The following MAN2A1 variants were observed in gnomAD, a reference collection of about 807,000 sequenced individuals.
MAN2A1 encodes alpha-mannosidase 2.
A neutral mutation model predicts 142.6 loss-of-function variants in MAN2A1; 76 were observed. The ratio of observed to expected loss-of-function variants is 0.53; its 90% CI spans 0.44 to 0.65. The LOEUF (loss-of-function observed/expected upper bound fraction) is 0.65, where lower values mean the gene tolerates loss of function less well. MAN2A1 is among the 30% of genes least tolerant of loss of function. The pLI is 0.00. For missense variants in MAN2A1, 1,311 were observed against 1,365.1 expected (o/e 0.96, Z 0.62); for synonymous variants, 559 against 473.2 (o/e 1.18, Z -2.35).
chr5:109,772,402 A>G (rs1285291226), intron 7 of MAN2A1, among the ~76,000 whole-genome samples: 2 of 152,196 alleles, frequency 1.3e-5, no homozygotes, highest in African/African-American at 2.4e-5. Context: ...TCTTACAAGT[A>G]TTGAAATGTT....
At position 109,767,727 on chromosome 5, in the gene MAN2A1, A is replaced by C; in HGVS notation, c.1009+19A>C. On this transcript the variant is annotated intron_variant, in intron 6 of 21. Transcript: ENST00000261483. ...AATTGGGGTATGTAGGGTTTGATGAAAGTTGATCCCATTTGGCCTAGATAC... is the reference window on the plus strand; with the variant it reads ...AATTGGGGTATGTAGGGTTTGATGACAGTTGATCCCATTTGGCCTAGATAC... The C allele has an allele frequency of 6.2e-7, 1 of 1,602,294 alleles. No homozygotes were observed. The highest frequency in any genetic ancestry group is 1.7e-4 in the Middle Eastern group (1 of 5,798).
At chr5:109,765,576 A>C (rs908413226) in intron 5 of MAN2A1, among the ~76,000 whole-genome samples, 6 of 152,054 alleles carry the variant, frequency 3.9e-5, no homozygotes, top group Non-Finnish European at 4.4e-5. Flanking sequence ...TATGTGGGAG[A>C]TACATTGGGA....
chr5:109,724,693 G>A (rs1339252155), intron 3 of MAN2A1, among the ~76,000 whole-genome samples: 1 of 152,016 alleles, frequency 6.6e-6, no homozygotes, highest in African/African-American at 2.4e-5. Flanking sequence ...AAAATAAAAA[G>A]AAAAGAAAAA....
In MAN2A1 at chr5:109,767,647, T is replaced by C. The variant is rs1753029962; in HGVS notation, c.948T>C (p.Tyr316=). 1.2e-6 allele frequency: 2 copies of C among 1,613,698 alleles called. No individual in the cohort carries two copies. The highest frequency in any genetic ancestry group is 8.5e-7 in the Non-Finnish European group (1 of 1,179,766). Residue 316 remains tyrosine, a synonymous_variant, in exon 6 of 22, where the codon TAT becomes TAC. Transcript: ENST00000261483. Reference sequence around the variant, plus strand: ...ACATGCTTATCCAGAGAGTTCATTATGCAGTTAAAAAACACTTTGCACTGC... The same window carrying C: ...ACATGCTTATCCAGAGAGTTCATTACGCAGTTAAAAAACACTTTGCACTGC... ...LSHMLIQRVH[Y]AVKKHFALHK...
intron 7 of MAN2A1, among the ~76,000 whole-genome samples, chr5:109,773,272 A>G (rs1753196045): frequency 6.6e-6 from 1 of 152,296 alleles, no homozygotes; most frequent in South Asian, 2.1e-4. Flanking sequence ...GAGTTAGGAT[A>G]GATGTGAAGT....
intron 16 of MAN2A1, among the ~76,000 whole-genome samples, chr5:109,828,717 T>G (rs1561532896): frequency 1.3e-5 from 2 of 152,220 alleles, no homozygotes; most frequent in Non-Finnish European, 2.9e-5. Flanking sequence ...TTAAATGCAA[T>G]ACTTCTGCCC....
At chr5:109,729,950 C>T (rs1751857605) in intron 4 of MAN2A1, among the ~76,000 whole-genome samples, 1 of 152,092 alleles carries the variant, frequency 6.6e-6, no homozygotes, top group Non-Finnish European at 1.5e-5. Flanking sequence ...CAATATAGTG[C>T]CACTGCACTC....
intron 3 of MAN2A1, among the ~76,000 whole-genome samples, chr5:109,719,431 A>T (rs1197249380): frequency 3.3e-5 from 5 of 152,228 alleles, no homozygotes; most frequent in Admixed American, 2.6e-4. Flanking sequence ...TATTCACATC[A>T]TGAAAAGCCA....
intron 5 of MAN2A1, among the ~76,000 whole-genome samples, chr5:109,758,427 C>A (rs1370101608): frequency 4.0e-5 from 6 of 151,344 alleles, no homozygotes; most frequent in African/African-American, 1.5e-4. Flanking sequence ...GTTAAAAGTT[C>A]TTTGTTGGAT....
rs902474335 is a variant in MAN2A1, at chr5:109,775,650, T to A, written c.1374+685T>A. On this transcript the variant is annotated intron_variant, in intron 8 of 21. Coordinates refer to ENST00000261483, the MANE Select transcript of MAN2A1 (RefSeq NM_002372.4). ...TCTCACTCCTCCCCATAGGATTATA[T>A]TGAAGCCAATCTCAGGTTTCATATA... Among the ~76,000 whole-genome samples, 6 of 152,130 alleles carry A rather than the reference T, an allele frequency of 3.9e-5. No individual in the cohort carries two copies. The East Asian group carries it at 9.6e-4, about 24-fold the overall frequency.
chr5:109,733,374 C>G (rs1751979642), intron 4 of MAN2A1, among the ~76,000 whole-genome samples: 1 of 152,152 alleles, frequency 6.6e-6, no homozygotes, highest in South Asian at 2.1e-4. Context: ...TGCCTAATTT[C>G]CCTGGCCAGA....
intron 12 of MAN2A1, among the ~76,000 whole-genome samples, chr5:109,802,320 C>G (rs1421233469): frequency 6.6e-6 from 1 of 152,000 alleles, no homozygotes; most frequent in African/African-American, 2.4e-5. Flanking sequence ...TGCACAGTCT[C>G]CTTTGAAATT....
At chr5:109,811,552 ATTG>A (rs140204935) in intron 12 of MAN2A1, among the ~76,000 whole-genome samples, 12,610 of 151,036 alleles carry the variant, frequency 0.083, 596 homozygotes, top group African/African-American at 0.15. Context: ...TCTCCTGAAG[ATTG>A]TTAATCTTCC....
chr5:109,692,758 G>T (rs978802986), intron 1 of MAN2A1, among the ~76,000 whole-genome samples: 1 of 148,714 alleles, frequency 6.7e-6, no homozygotes, highest in Non-Finnish European at 1.5e-5. Flanking sequence ...ACCAGGGACT[G>T]GTTTCCTGGA....
In MAN2A1 at chr5:109,733,708, A is replaced by C. The variant is rs527972429; in HGVS notation, c.707+4195A>C. 5.3e-4 allele frequency among the ~76,000 whole-genome samples: 81 copies of C among 152,254 alleles called. 2 individuals are homozygous for C. Among genetic ancestry groups the C allele is most frequent in the Middle Eastern group, 6.8e-3 (2 of 294 alleles). On this transcript the variant is annotated intron_variant, in intron 4 of 21. Coordinates refer to ENST00000261483, the MANE Select transcript of MAN2A1 (RefSeq NM_002372.4). ...GAACCAGCCTTGCATCCCAGGGATGAAGCCCACTTGATCATGGTGGATAAG... is the reference window on the plus strand; with the variant it reads ...GAACCAGCCTTGCATCCCAGGGATGCAGCCCACTTGATCATGGTGGATAAG...
intron 4 of MAN2A1, among the ~76,000 whole-genome samples, chr5:109,746,091 C>T (rs1752396795): frequency 6.6e-6 from 1 of 152,204 alleles, no homozygotes; most frequent in African/African-American, 2.4e-5. Context: ...TCTCGTGCCT[C>T]AGCCTCCCGA....
At chr5:109,769,421 T>G (rs1290297633) in intron 6 of MAN2A1, among the ~76,000 whole-genome samples, 1 of 152,224 alleles carries the variant, frequency 6.6e-6, no homozygotes, top group Admixed American at 6.5e-5. Flanking sequence ...ATTAAAAATG[T>G]AAATTTTTTT....
chr5:109,774,151 G>C (rs543951021), intron 7 of MAN2A1, among the ~76,000 whole-genome samples: 14 of 152,168 alleles, frequency 9.2e-5, no homozygotes, highest in Non-Finnish European at 8.8e-5. Context: ...ATCCTTATCT[G>C]ATGGTCAGTA....
chr5:109,782,251 C>G (rs1235491792), intron 9 of MAN2A1, among the ~76,000 whole-genome samples: 6 of 152,192 alleles, frequency 3.9e-5, no homozygotes, highest in African/African-American at 1.4e-4. Flanking sequence ...AAACACTAAA[C>G]TGACACTATC....
Sources: gnomAD v4.1 joint callset for allele counts (sites outside exome capture counted in the v4.1 genomes callset) on GRCh38, gnomAD v4.1.1 for gene constraint, MANE v1.5 for transcripts, NCBI Gene and HGNC (gene_info 2026-07-23, HGNC 2026-07-21) for gene names.